The following VIT variants were observed in gnomAD, a reference collection of about 807,000 sequenced individuals.
VIT encodes vitrin.
VIT carries 99 observed loss-of-function variants against 78.0 expected under a neutral mutation model. The observed-to-expected ratio is 1.27, with a 90% confidence interval of 1.08 to 1.50. The LOEUF is 1.50. Among genes scored for constraint, VIT ranks in the 40% most tolerant of loss-of-function variants. The pLI is 0.00. For synonymous variants in VIT, 374 were observed against 334.3 expected, an observed-to-expected ratio of 1.12 and a Z score of -1.29; for missense variants, 1,126 against 875.3, an observed-to-expected ratio of 1.29 and a Z score of -3.61.
intron 12 of VIT, among the ~76,000 whole-genome samples, chr2:36,800,172 C>T (rs1666216325): frequency 6.6e-6 from 1 of 152,138 alleles, no homozygotes; most frequent in Non-Finnish European, 1.5e-5. Context: ...TGGTGAAACC[C>T]TGTCTCTACT....
intron 6 of VIT, among the ~76,000 whole-genome samples, chr2:36,762,270 G>T (rs1669170248): frequency 6.6e-6 from 1 of 152,174 alleles, no homozygotes; most frequent in South Asian, 2.1e-4. Context: ...GCCAAGCATT[G>T]CTGATGTCAC....
chr2:36,726,062 C>T (rs1314673580), intron 2 of VIT, among the ~76,000 whole-genome samples: 1 of 142,294 alleles, frequency 7.0e-6, no homozygotes, highest in Non-Finnish European at 1.5e-5. Flanking sequence ...GAGCGAGACT[C>T]TGTCTCAAAA....
At chr2:36,740,351 A>G (rs1315431954) in intron 3 of VIT, among the ~76,000 whole-genome samples, 1 of 152,272 alleles carries the variant, frequency 6.6e-6, no homozygotes, top group Non-Finnish European at 1.5e-5. Context: ...AAAATATTGT[A>G]GAGAAACAAA....
At position 36,808,775 on chromosome 2, in the gene VIT, G is replaced by A. The variant is rs757456741; in HGVS notation, c.1693G>A (p.Asp565Asn). ...TYEQRLEFGFDKYSSKPDILN... is the reference protein window; with the variant it reads ...TYEQRLEFGFNKYSSKPDILN... ...CGAACAGCGGCTGGAGTTTGGGTTC[G>A]ACAAGTACAGCAGCAAGCCTGACAT... The change falls in exon 15 of 16, where the codon GAC becomes AAC. Residue 565 changes from aspartate (D) to asparagine (N), a missense_variant. By Grantham distance (23) the Asp-to-Asn change is conservative. Transcript: ENST00000379242. 22 of 1,613,824 alleles carry A rather than the reference G, an allele frequency of 1.4e-5. No homozygotes were observed. Among genetic ancestry groups the A allele is most frequent in the African/African-American group, 8.0e-5 (6 of 74,928 alleles).
At position 36,708,530 on chromosome 2, in the gene VIT, T is replaced by C. The variant is rs377109767; in HGVS notation, c.-18-7823T>C. Among the ~76,000 whole-genome samples the C allele has an allele frequency of 6.1e-4, 93 of 152,304 alleles. No homozygotes were observed. In the South Asian group the frequency reaches 0.018, roughly 30 times the overall value. On this transcript the variant is annotated intron_variant, in intron 1 of 15. Coordinates refer to ENST00000379242, the MANE Select transcript of VIT (RefSeq NM_053276.4). ...GCAAAAGTAATTTTTAAGCCCTCCA[T>C]GTCTCCCTGTTGCCTAAAGGATCAG...
rs1247131072 is a variant in VIT, at chr2:36,776,897, G to A, written c.802+1830G>A. ...GAGGTCAGGAGATCGAGACCATCCC[G>A]GCTAACACGGTGAAACTCCGTCTCT... is the stretch of plus-strand genomic sequence containing the variant. On this transcript the variant is annotated intron_variant, in intron 9 of 15. Coordinates refer to ENST00000379242, the MANE Select transcript of VIT (RefSeq NM_053276.4). Among the ~76,000 whole-genome samples the A allele has an allele frequency of 9.9e-5, 15 of 151,302 alleles. 1 individual carries two copies. In the South Asian group the frequency reaches 3.0e-3, roughly 30 times the overall value.
chr2:36,758,939 A>C (rs746950529), intron 5 of VIT, 30 bp from the exon 6 acceptor site: 1 of 1,587,130 alleles, frequency 6.3e-7, no homozygotes, highest in Non-Finnish European at 8.6e-7. Flanking sequence ...TCTAGAAATA[A>C]ATCTCGTTTT....
intron 12 of VIT, among the ~76,000 whole-genome samples, chr2:36,796,741 A>G (rs1435467972): frequency 2.0e-5 from 3 of 152,028 alleles, no homozygotes; most frequent in African/African-American, 7.2e-5. Context: ...TGCTAGGATT[A>G]CAGGCGTGAA....
chr2:36,700,715 G>A (rs1014322704), intron 1 of VIT, among the ~76,000 whole-genome samples: 6 of 151,160 alleles, frequency 4.0e-5, no homozygotes, highest in African/African-American at 9.8e-5. Context: ...CAGCCTGGGT[G>A]ACACAGCAAG....
intron 3 of VIT, among the ~76,000 whole-genome samples, chr2:36,740,739 A>T (rs576141645): frequency 6.6e-6 from 1 of 152,238 alleles, no homozygotes; most frequent in Non-Finnish European, 1.5e-5. Flanking sequence ...AAACAAGCAA[A>T]CAAAAAACAA....
In VIT at chr2:36,805,558, C is replaced by T; in HGVS notation, c.1283C>T (p.Ala428Val). Residue 428 changes from alanine (A) to valine (V), a missense_variant, in exon 14 of 16, where the codon GCT becomes GTT. By Grantham distance (64) the Ala-to-Val change is moderately conservative. Transcript: ENST00000379242. ...TGGCCCACGGACAAAGTGGAGGAGG[C>T]TTCAAGACTTGCGAGAGAGTCAGGA... is the stretch of plus-strand genomic sequence containing the variant. The part of the protein sequence containing the change: ...DGWPTDKVEE[A>V]SRLARESGIN... 7 of 1,614,108 alleles carry T rather than the reference C, an allele frequency of 4.3e-6. No individual in the cohort carries two copies. The highest frequency in any genetic ancestry group is 5.9e-6 in the Non-Finnish European group (7 of 1,180,004).
intron 3 of VIT, among the ~76,000 whole-genome samples, chr2:36,739,724 A>C (rs2148509192): frequency 6.6e-6 from 1 of 152,290 alleles, no homozygotes; most frequent in East Asian, 1.9e-4. Context: ...AGATTATCTT[A>C]AGGAATCATA....
At chr2:36,790,997 C>A (rs9308998) in intron 12 of VIT, among the ~76,000 whole-genome samples, 112,072 of 151,968 alleles carry the variant, frequency 0.74, 41,690 homozygotes, top group East Asian at 0.99. Flanking sequence ...CAGGTGCTAA[C>A]AGTCCTCCAG....
At chr2:36,763,854 G>C (rs865853392) in intron 6 of VIT, among the ~76,000 whole-genome samples, 10 of 152,190 alleles carry the variant, frequency 6.6e-5, no homozygotes, top group Non-Finnish European at 1.0e-4. Context: ...CCCCGCAAGT[G>C]CTAGGATTAC....
At chr2:36,763,532 T>C (rs1669243874) in intron 6 of VIT, among the ~76,000 whole-genome samples, 1 of 151,336 alleles carries the variant, frequency 6.6e-6, no homozygotes, top group Admixed American at 6.6e-5. Flanking sequence ...TTATGTTCAG[T>C]GAGGAATTGG....
chr2:36,713,456 C>T (rs1276975801), intron 1 of VIT, among the ~76,000 whole-genome samples: 1 of 152,180 alleles, frequency 6.6e-6, no homozygotes, highest in African/African-American at 2.4e-5. Flanking sequence ...GTAAAGACTT[C>T]GGCTTTTCTT....
At chr2:36,702,842 T>C (rs902376538) in intron 1 of VIT, among the ~76,000 whole-genome samples, 12 of 152,208 alleles carry the variant, frequency 7.9e-5, no homozygotes, top group Admixed American at 2.6e-4. Flanking sequence ...TCACCTGTAG[T>C]TCCCTGGATG....
intron 2 of VIT, among the ~76,000 whole-genome samples, chr2:36,726,763 G>A (rs1473795519): frequency 6.7e-6 from 1 of 150,284 alleles, no homozygotes; most frequent in Non-Finnish European, 1.5e-5. Flanking sequence ...AGTTTGCAGT[G>A]GGCCGAAATC....
At chr2:36,768,150 G>T (rs1439790390) in intron 7 of VIT, among the ~76,000 whole-genome samples, 1 of 152,176 alleles carries the variant, frequency 6.6e-6, no homozygotes, top group East Asian at 1.9e-4. Context: ...ATGCAAATCA[G>T]GCTGGGAGCG....
Sources: allele counts gnomAD v4.1 joint callset (sites outside exome capture counted in the v4.1 genomes callset), GRCh38; gene constraint gnomAD v4.1.1; transcripts MANE v1.5; gene names NCBI Gene and HGNC (gene_info 2026-07-23, HGNC 2026-07-21).